The following ADAMTS12 variants were observed in gnomAD, a reference collection of about 807,000 sequenced individuals.
ADAMTS12 encodes the protein ADAM metallopeptidase with thrombospondin type 1 motif 12, also known as A disintegrin and metalloproteinase with thrombospondin motifs 12.
In ADAMTS12, 118 loss-of-function variants were observed where a neutral mutation model predicts 167.8. The observed-to-expected ratio is 0.70, with a 90% CI of 0.61 to 0.82. The LOEUF (loss-of-function observed/expected upper bound fraction) is 0.82, where lower values mean the gene tolerates loss of function less well. Among genes scored for constraint, ADAMTS12 ranks in the 40% least tolerant of loss-of-function variants. The pLI, the probability that ADAMTS12 is intolerant of heterozygous loss-of-function variation, is 0.00. For missense variants in ADAMTS12, 1,916 were observed against 1,998.8 expected, an observed-to-expected ratio of 0.96 and a Z score of 0.79; for synonymous variants, 704 against 716.9, an observed-to-expected ratio of 0.98 and a Z score of 0.29.
intron 3 of ADAMTS12, among the ~76,000 whole-genome samples, chr5:33,743,866 T>C (rs1411007614): frequency 1.3e-5 from 2 of 152,200 alleles, no homozygotes; most frequent in East Asian, 3.8e-4. Flanking sequence ...CCTTGCCACA[T>C]CTTTGTCTCT....
At chr5:33,665,911 C>A (rs759434447) in intron 5 of ADAMTS12, among the ~76,000 whole-genome samples, 1 of 152,190 alleles carries the variant, frequency 6.6e-6, no homozygotes, top group Non-Finnish European at 1.5e-5. Flanking sequence ...AAAACATTCA[C>A]ACTTCGGCTA....
rs539758167 is a variant in ADAMTS12 at position 33,596,743 on chromosome 5, G to T, written c.2528-683C>A. ...CATCACCAGGTGTTATGAGGCAATTGCTACATTATTAGCGTAATTAAAGGA... is the reference window on the plus strand; with the variant it reads ...CATCACCAGGTGTTATGAGGCAATTTCTACATTATTAGCGTAATTAAAGGA... On this transcript the variant is annotated intron_variant, in intron 16 of 23. Coordinates refer to ENST00000504830, the MANE Select transcript of ADAMTS12 (RefSeq NM_030955.4). Among the ~76,000 whole-genome samples, 77 of 152,216 alleles carry T rather than the reference G, an allele frequency of 5.1e-4. 1 individual carries two copies. Among genetic ancestry groups the T allele is most frequent in the Non-Finnish European group, 1.2e-4 (8 of 68,034 alleles).
At chr5:33,804,906 A>G (rs1747163127) in intron 2 of ADAMTS12, among the ~76,000 whole-genome samples, 1 of 151,934 alleles carries the variant, frequency 6.6e-6, no homozygotes, top group Admixed American at 6.5e-5. Flanking sequence ...CCTGCACTAC[A>G]GAATAAAAAA....
At chr5:33,885,127 A>T (rs945752897) in intron 1 of ADAMTS12, among the ~76,000 whole-genome samples, 1 of 152,368 alleles carries the variant, frequency 6.6e-6, no homozygotes, top group African/African-American at 2.4e-5. Context: ...TTCTAAATCA[A>T]TCTTACATTA....
chr5:33,571,290 T>C (rs1406258204), intron 19 of ADAMTS12, among the ~76,000 whole-genome samples: 2 of 152,050 alleles, frequency 1.3e-5, no homozygotes, highest in Non-Finnish European at 2.9e-5. Context: ...CAACAGAATA[T>C]ACATTTTTTT....
At chr5:33,769,463 G>A (rs1248091017) in intron 2 of ADAMTS12, among the ~76,000 whole-genome samples, 3 of 152,080 alleles carry the variant, frequency 2.0e-5, no homozygotes, top group Non-Finnish European at 4.4e-5. Flanking sequence ...AACTAAACTG[G>A]CTTCCTGGAA....
intron 23 of ADAMTS12, among the ~76,000 whole-genome samples, chr5:33,532,476 T>A (rs74839731): frequency 6.6e-6 from 1 of 151,758 alleles, no homozygotes; most frequent in Admixed American, 6.6e-5. Context: ...GTTTCTATTT[T>A]TTTTTTTTTT....
intron 2 of ADAMTS12, among the ~76,000 whole-genome samples, chr5:33,760,567 T>A (rs1176772885): frequency 2.6e-5 from 4 of 152,206 alleles, no homozygotes; most frequent in Non-Finnish European, 4.4e-5. Context: ...ACATACATGC[T>A]GAAGAAAACT....
chr5:33,569,634 C>T (rs971640360), intron 19 of ADAMTS12, among the ~76,000 whole-genome samples: 4 of 152,110 alleles, frequency 2.6e-5, no homozygotes, highest in Non-Finnish European at 5.9e-5. Context: ...GATAAAACCA[C>T]AAAGATGGGG....
At chr5:33,775,846 C>T (rs970122297) in intron 2 of ADAMTS12, among the ~76,000 whole-genome samples, 1 of 152,198 alleles carries the variant, frequency 6.6e-6, no homozygotes, top group African/African-American at 2.4e-5. Flanking sequence ...TAAGAAGGTA[C>T]ACCCTTTGTG....
intron 19 of ADAMTS12, among the ~76,000 whole-genome samples, chr5:33,567,212 G>A (rs1475231058): frequency 1.3e-5 from 2 of 152,216 alleles, no homozygotes; most frequent in Non-Finnish European, 2.9e-5. Context: ...AATCCTACAT[G>A]TATGCCTTTT....
rs368740652 is a variant in ADAMTS12 at position 33,576,628 on chromosome 5, C to A, written c.3398G>T (p.Arg1133Leu). The change falls in exon 19 of 24, where the codon CGC (arginine) becomes CTC (leucine). Residue 1133 changes from arginine to leucine, a missense_variant. Arg to Leu is a moderately radical substitution (Grantham distance 102). Transcript: ENST00000504830. ...TTSGSGLSSS[R>L]NPITWPVTPF... ...AGTCACAGGCCAAGTGATAGGGTTG[C>A]GGGAAGATGACAAGCCAGAACCACT... 2 of 1,614,148 alleles carry A rather than the reference C, an allele frequency of 1.2e-6. No individual in the cohort carries two copies. Among genetic ancestry groups the A allele is most frequent in the Admixed American group, 1.7e-5 (1 of 60,020 alleles).
intron 2 of ADAMTS12, among the ~76,000 whole-genome samples, chr5:33,769,279 A>G (rs1445941342): frequency 6.6e-6 from 1 of 152,178 alleles, no homozygotes; most frequent in Non-Finnish European, 1.5e-5. Context: ...ACTGATTTCC[A>G]GAACTGTAAG....
intron 13 of ADAMTS12, among the ~76,000 whole-genome samples, chr5:33,626,574 G>A (rs1038532497): frequency 2.6e-5 from 4 of 151,152 alleles, no homozygotes; most frequent in South Asian, 2.1e-4. Flanking sequence ...TGATGTGATG[G>A]TGGTGGTGAT....
chr5:33,851,671 C>G (rs1052940339), intron 2 of ADAMTS12, among the ~76,000 whole-genome samples: 1 of 152,146 alleles, frequency 6.6e-6, no homozygotes, highest in Non-Finnish European at 1.5e-5. Context: ...CCCAGTCCCC[C>G]ACAATATCCA....
chr5:33,751,503 C>T lies in ADAMTS12; in HGVS notation c.535G>A (p.Val179Met), dbSNP rs374678857. ...CCCTCAACCAGTGGATGCTTCTTCA[C>T]GGGTTCAATGAAAAAGTCTCCATGT... ...LPHGDFFIEP[V>M]KKHPLVEGGY... The change falls in exon 3 of 24, where the codon GTG becomes ATG. Residue 179 changes from valine (V) to methionine (M), a missense_variant. Physicochemically the swap from Val to Met is conservative, Grantham distance 21. Coordinates refer to ENST00000504830, the MANE Select transcript of ADAMTS12 (RefSeq NM_030955.4). 2.0e-5 allele frequency: 32 copies of T among 1,614,006 alleles called. No homozygotes were observed. Among genetic ancestry groups the T allele is most frequent in the Middle Eastern group, 1.6e-4 (1 of 6,062 alleles).
At chr5:33,628,580 A>G (rs1395824321) in intron 13 of ADAMTS12, among the ~76,000 whole-genome samples, 1 of 152,200 alleles carries the variant, frequency 6.6e-6, no homozygotes, top group Non-Finnish European at 1.5e-5. Flanking sequence ...TAAGCAACCA[A>G]GTTTTCATAT....
At chr5:33,660,259 C>T (rs1741209182) in intron 6 of ADAMTS12, among the ~76,000 whole-genome samples, 3 of 152,260 alleles carry the variant, frequency 2.0e-5, no homozygotes, top group South Asian at 4.2e-4. Context: ...TGGGTAATAG[C>T]TAAGTTATGG....
intron 2 of ADAMTS12, among the ~76,000 whole-genome samples, chr5:33,774,720 A>T (rs1169882119): frequency 1.3e-5 from 2 of 152,194 alleles, no homozygotes; most frequent in Non-Finnish European, 2.9e-5. Flanking sequence ...TGCTTTGTAC[A>T]ACATTAACCC....
Sources: allele counts gnomAD v4.1 joint callset (sites outside exome capture counted in the v4.1 genomes callset), GRCh38; gene constraint gnomAD v4.1.1; transcripts MANE v1.5; gene names NCBI Gene and HGNC (gene_info 2026-07-23, HGNC 2026-07-21).